The following XPO4 variants were observed in gnomAD, a reference collection of about 807,000 sequenced individuals.
The protein encoded by XPO4 is exportin-4.
XPO4 carries 39 observed loss-of-function variants against 143.0 expected under a neutral mutation model. The observed-to-expected ratio is 0.27, with a 90% CI of 0.21 to 0.36. XPO4 has a LOEUF of 0.36. XPO4 is among the 10% of genes least tolerant of loss of function. The probability of loss-of-function intolerance (pLI) is 1.00; values close to 1 mark genes in which losing one functional copy is unlikely to be tolerated. For synonymous variants in XPO4, 439 were observed against 474.0 expected (o/e 0.93, Z 0.96); for missense variants, 907 against 1,348.0 (o/e 0.67, Z 5.12).
rs561492951 is a variant in XPO4, at chr13:20,800,056, G to A, written c.2147+100C>T. On this transcript the variant is annotated intron_variant, in intron 15 of 22. Coordinates refer to ENST00000255305, the MANE Select transcript of XPO4 (RefSeq NM_022459.5). Reference sequence around the variant, plus strand: ...GTAGGCTCTATCTGGAATTAGGACCGTGTAACCATTTGCCAGTTCAAAGGA... The same window carrying A: ...GTAGGCTCTATCTGGAATTAGGACCATGTAACCATTTGCCAGTTCAAAGGA... The A allele has an allele frequency of 6.6e-5, 89 of 1,355,928 alleles. 1 individual carries two copies. The highest frequency in any genetic ancestry group is 4.7e-5 in the Admixed American group (2 of 42,238). 84.0% of individuals were successfully genotyped at this position (1,355,928 alleles called of 1,614,324 possible).
At chr13:20,798,640 A>G (rs868291055) in intron 16 of XPO4, among the ~76,000 whole-genome samples, 2 of 152,186 alleles carry the variant, frequency 1.3e-5, no homozygotes, top group African/African-American at 2.4e-5. Flanking sequence ...GTCATCACAC[A>G]CAGGCAGGTA....
intron 19 of XPO4, among the ~76,000 whole-genome samples, chr13:20,790,200 C>A (rs1224636592): frequency 6.6e-6 from 1 of 152,140 alleles, no homozygotes; most frequent in Non-Finnish European, 1.5e-5. Flanking sequence ...GGACAGGCTC[C>A]TTTCTGTAGC....
At chr13:20,815,015 A>G (rs1182445802) in intron 9 of XPO4, among the ~76,000 whole-genome samples, 1 of 152,206 alleles carries the variant, frequency 6.6e-6, no homozygotes, top group Non-Finnish European at 1.5e-5. Flanking sequence ...GAAAACTTTC[A>G]ATATATGAAA....
intron 13 of XPO4, among the ~76,000 whole-genome samples, chr13:20,801,682 T>C (rs1212344845): frequency 6.6e-6 from 1 of 152,166 alleles, no homozygotes; most frequent in Non-Finnish European, 1.5e-5. Flanking sequence ...AGAAGTGATA[T>C]ATATTTAACC....
Position 20,822,232 on chromosome 13 carries a change from C to A in XPO4, c.898G>T (p.Ala300Ser). ...GGTCCATGAAGAGAAGCTAACTGGG[C>A]AAGGCACTGCAGAGAATCTTGTGCC... The part of the protein sequence containing the change: ...DMAQDSLQCL[A>S]QLASLHGPIF... The change falls in exon 8 of 23, where the codon GCC becomes TCC. Residue 300 changes from alanine to serine, a missense_variant. By Grantham distance (99) the Ala-to-Ser change is moderately conservative (BLOSUM62 1). Transcript: ENST00000255305. The A allele has an allele frequency of 1.9e-6, 3 of 1,613,966 alleles. No individual in the cohort carries two copies. Among genetic ancestry groups the A allele is most frequent in the Non-Finnish European group, 2.5e-6 (3 of 1,179,900 alleles).
At chr13:20,843,980 C>A in intron 4 of XPO4, 94 bp from the exon 5 acceptor site, 1 of 920,920 alleles carries the variant, frequency 1.1e-6, no homozygotes, top group South Asian at 1.4e-5. Flanking sequence ...CATTTTCTCC[C>A]TAACTTTAGA....
intron 1 of XPO4, chr13:20,869,446 A>G: frequency 1.1e-6 from 1 of 881,034 alleles, no homozygotes; most frequent in Non-Finnish European, 1.4e-6. Context: ...AAGACTTACA[A>G]ATACTTAATT....
intron 9 of XPO4, among the ~76,000 whole-genome samples, chr13:20,816,217 G>A (rs1009029950): frequency 2.6e-5 from 4 of 152,128 alleles, no homozygotes; most frequent in Non-Finnish European, 5.9e-5. Flanking sequence ...AAGGACATAT[G>A]AACGATTAAA....
intron 9 of XPO4, among the ~76,000 whole-genome samples, chr13:20,820,074 T>C (rs978317954): frequency 1.3e-5 from 2 of 152,152 alleles, no homozygotes; most frequent in African/African-American, 2.4e-5. Context: ...TTTTTAAATA[T>C]CATAAACAGC....
chr13:20,855,598 A>G (rs2060136231), intron 4 of XPO4, 29 bp downstream of exon 4: 1 of 1,485,888 alleles, frequency 6.7e-7, no homozygotes, highest in South Asian at 1.4e-5. Flanking sequence ...TAAATTGTTA[A>G]TATTTATAAA....
At chr13:20,869,704 T>C (rs2060276632) in intron 1 of XPO4, 1 of 554,584 alleles carries the variant, frequency 1.8e-6, no homozygotes, top group Non-Finnish European at 2.3e-6. Flanking sequence ...TGTGAATCTC[T>C]GGCTTCAGAG....
At chr13:20,828,706 T>C (rs2059817143) in intron 6 of XPO4, among the ~76,000 whole-genome samples, 1 of 152,150 alleles carries the variant, frequency 6.6e-6, no homozygotes, top group Non-Finnish European at 1.5e-5. Context: ...TCTCTTCCTT[T>C]ATCTGCCCCC....
Position 20,780,503 on chromosome 13 carries a change from TTAAA to T in XPO4, c.*3215_*3218del, listed in dbSNP as rs1040774871. 25 of 152,134 alleles carry T rather than the reference TTAAA, an allele frequency of 1.6e-4. No individual in the cohort carries two copies. The highest frequency in any genetic ancestry group is 6.0e-4 in the African/African-American group (25 of 41,434). The allele number at this position is 152,134 out of a possible 1,614,324, so 9.4% of individuals were successfully genotyped here. A position where few individuals can be genotyped will look rare whatever the true frequency, so the allele number is the denominator to read the frequency against. On this transcript the variant is annotated 3_prime_UTR_variant, in exon 23 of 23. Transcript: ENST00000255305. The stretch of plus-strand genomic sequence containing the variant: ...AGTTCAAAGACAGTTAAGGGGAGTG[TTAAA>T]TAATGCTGACTGGGGGGAAATGATA...
At chr13:20,786,779 T>A (rs765986129) in intron 22 of XPO4, among the ~76,000 whole-genome samples, 186 bp downstream of exon 22, 4 of 152,202 alleles carry the variant, frequency 2.6e-5, no homozygotes, top group Non-Finnish European at 4.4e-5. Flanking sequence ...CAAACAGCTG[T>A]CAGATAAACA....
chr13:20,874,311 G>C (rs147392443), intron 1 of XPO4, among the ~76,000 whole-genome samples: 129 of 152,252 alleles, frequency 8.5e-4, no homozygotes, highest in Non-Finnish European at 1.8e-4. Flanking sequence ...AAGAACACAT[G>C]TTCAACTCAT....
At chr13:20,812,562 A>C (rs1056350568) in intron 9 of XPO4, among the ~76,000 whole-genome samples, 1 of 152,232 alleles carries the variant, frequency 6.6e-6, no homozygotes, top group Non-Finnish European at 1.5e-5. Context: ...AACTACATTA[A>C]GATGAGGAAC....
At chr13:20,837,886 G>T (rs1318291690) in intron 6 of XPO4, among the ~76,000 whole-genome samples, 2 of 152,114 alleles carry the variant, frequency 1.3e-5, no homozygotes, top group African/African-American at 4.8e-5. Context: ...CTCCCACGGG[G>T]TCCCTCCCAC....
chr13:20,899,452 C>G (rs947581090), intron 1 of XPO4, among the ~76,000 whole-genome samples: 1 of 152,068 alleles, frequency 6.6e-6, no homozygotes. Context: ...GGGCAAGTCA[C>G]TTCTACCTCT....
intron 7 of XPO4, among the ~76,000 whole-genome samples, chr13:20,826,383 A>T (rs1352278493): frequency 1.3e-5 from 2 of 152,218 alleles, no homozygotes; most frequent in East Asian, 3.8e-4. Context: ...ACTATGGCCC[A>T]GGGATCCCTG....
Sources: gnomAD v4.1 joint callset for allele counts (sites outside exome capture counted in the v4.1 genomes callset) on GRCh38, gnomAD v4.1.1 for gene constraint, MANE v1.5 for transcripts, NCBI Gene and HGNC (gene_info 2026-07-23, HGNC 2026-07-21) for gene names.